The following RGR variants were observed in gnomAD, a reference collection of about 807,000 sequenced individuals.
The protein encoded by RGR is retinal G protein coupled receptor.
A neutral mutation model predicts 28.6 loss-of-function variants in RGR; 30 were observed. The ratio of observed to expected loss-of-function variants is 1.05; its 90% confidence interval spans 0.78 to 1.42. The LOEUF is 1.42. Ranked by LOEUF, RGR falls within the 40% of genes most tolerant of loss-of-function variation. The pLI is 0.00. For missense variants in RGR, 404 were observed against 375.6 expected (o/e 1.08, Z -0.62); for synonymous variants, 180 against 156.4 (o/e 1.15, Z -1.13).
At chr10:84,258,137 C>A in intron 6 of RGR, 131 bp downstream of exon 6, 1 of 887,670 alleles carries the variant, frequency 1.1e-6, no homozygotes, top group South Asian at 1.4e-5. Context: ...TTTGGATACT[C>A]ACAAGGCATA....
At position 84,259,355 on chromosome 10, in the gene RGR, G is replaced by A. The variant is rs1842926672; in HGVS notation, c.*716G>A. The stretch of plus-strand genomic sequence containing the variant: ...AAACAGCTGTGATAAGCATACAAGT[G>A]CAGGTTTCTTTTTGATATACTGATT... On this transcript the variant is annotated 3_prime_UTR_variant, in exon 7 of 7. Coordinates refer to ENST00000652092, the MANE Select transcript of RGR (RefSeq NM_001012720.2). The A allele has an allele frequency of 6.6e-6, 1 of 152,368 alleles. No individual in the cohort carries two copies. The highest frequency in any genetic ancestry group is 1.5e-5 in the Non-Finnish European group (1 of 68,252). The allele number at this position is 152,368 out of a possible 1,614,324, so 9.4% of individuals were successfully genotyped here.
At chr10:84,247,155 C>A (rs1842756448) in intron 1 of RGR, among the ~76,000 whole-genome samples, 1 of 152,168 alleles carries the variant, frequency 6.6e-6, no homozygotes, top group African/African-American at 2.4e-5. Flanking sequence ...GCGTCCTGGG[C>A]AGCTCCCAGC....
intron 5 of RGR, chr10:84,255,178 G>C (rs1208107645): frequency 1.9e-5 from 3 of 155,240 alleles, no homozygotes; most frequent in Admixed American, 6.2e-5. Flanking sequence ...CAGCAACCAG[G>C]GGTTTTCTGC....
intron 1 of RGR, among the ~76,000 whole-genome samples, chr10:84,246,486 G>A (rs1284770017): frequency 6.6e-6 from 1 of 152,092 alleles, no homozygotes; most frequent in Non-Finnish European, 1.5e-5. Flanking sequence ...ACAGCATTTG[G>A]TTTTCCATTC....
chr10:84,247,536 C>CT, intron 1 of RGR, 55 bp from the exon 2 acceptor site: 1 of 1,607,532 alleles, frequency 6.2e-7, no homozygotes, highest in African/African-American at 1.3e-5. Context: ...ACACACTGTT[C>CT]TGACCCCAGC....
chr10:84,257,869 T>C, intron 5 of RGR, 24 bp from the exon 6 acceptor site: 1 of 1,609,760 alleles, frequency 6.2e-7, no homozygotes. Context: ...CAAGCTGACA[T>C]CTCCTGTGAC....
Position 84,258,747 on chromosome 10 carries a change from G to T in RGR, c.*108G>T, listed in dbSNP as rs892887403. 1.0e-5 allele frequency: 15 copies of T among 1,498,686 alleles called. No homozygotes were observed. In the African/African-American group the frequency reaches 1.9e-4, roughly 19 times the overall value. The allele number at this position is 1,498,686 out of a possible 1,614,324, so 92.8% of individuals were successfully genotyped here. ...CTCACCCACCTTCCCCAGTGGCCCC[G>T]TGGATCCTGGTCCTAGGCTGGACAC... is the stretch of plus-strand genomic sequence containing the variant. On this transcript the variant is annotated 3_prime_UTR_variant, in exon 7 of 7. Transcript: ENST00000652092.
intron 5 of RGR, among the ~76,000 whole-genome samples, chr10:84,256,015 G>A (rs1376210764): frequency 8.2e-6 from 1 of 121,978 alleles, no homozygotes; most frequent in Non-Finnish European, 1.6e-5. Flanking sequence ...GAGCTGCCGT[G>A]TCCAGCCTTT....
intron 1 of RGR, 125 bp downstream of exon 1, chr10:84,245,294 C>A: frequency 1.2e-6 from 1 of 851,994 alleles, no homozygotes; most frequent in Non-Finnish European, 1.8e-6. Context: ...GTCCCATTGG[C>A]TGCCTTCCCC....
rs2132876990 is a variant in RGR at position 84,247,665 on chromosome 10, C to G, written c.154C>G (p.His52Asp). 1 of 1,614,194 alleles carries G rather than the reference C, an allele frequency of 6.2e-7. No homozygotes were observed. ...GACCCCGGAGCTGCGGACTCCCTGC[C>G]ACCTACTGGTGCTGAGCTTGGCTCT... Reference protein sequence around the residue: ...CKTPELRTPCHLLVLSLALAD... With the variant: ...CKTPELRTPCDLLVLSLALAD... The change falls in exon 2 of 7, where the codon CAC (histidine) becomes GAC (aspartate). Residue 52 changes from histidine to aspartate, a missense_variant. Coordinates refer to ENST00000652092, the MANE Select transcript of RGR (RefSeq NM_001012720.2).
In RGR at chr10:84,245,143, C is replaced by G. The variant is rs747779774; in HGVS notation, c.53C>G (p.Ala18Gly). ...PTGFGELEVL[A>G]VGMVLLVEAL... ...GGCTTCGGGGAGCTCGAGGTGCTGG[C>G]TGTGGGGATGGTGCTACTGGTGGAA... is the stretch of plus-strand genomic sequence containing the variant. The change falls in exon 1 of 7, where the codon GCT (alanine) becomes GGT (glycine). Residue 18 changes from alanine to glycine, a missense_variant. Physicochemically the swap from Ala to Gly is moderately conservative, Grantham distance 60 (BLOSUM62 0). Coordinates refer to ENST00000652092, the MANE Select transcript of RGR (RefSeq NM_001012720.2). 6.2e-7 allele frequency: 1 copy of G among 1,613,270 alleles called. No homozygotes were observed. The highest frequency in any genetic ancestry group is 8.5e-7 in the Non-Finnish European group (1 of 1,179,832).
At position 84,258,971 on chromosome 10, in the gene RGR, A is replaced by G. The variant is rs894230952; in HGVS notation, c.*332A>G. The G allele has an allele frequency of 5.4e-6, 2 of 372,512 alleles. No individual in the cohort carries two copies. The highest frequency in any genetic ancestry group is 2.2e-5 in the South Asian group (1 of 45,650). 23.1% of individuals were successfully genotyped at this position (372,512 alleles called of 1,614,324 possible). On this transcript the variant is annotated 3_prime_UTR_variant, in exon 7 of 7. Coordinates refer to ENST00000652092, the MANE Select transcript of RGR (RefSeq NM_001012720.2). ...TGAAGTCTGGGCTTTTAGTGTAACC[A>G]TCACCCTAATAATATACGTTGTACC...
At chr10:84,253,138 T>A in intron 4 of RGR, 128 bp downstream of exon 4, 1 of 1,113,854 alleles carries the variant, frequency 9.0e-7, no homozygotes, top group Non-Finnish European at 1.3e-6. Flanking sequence ...AATCTCAACT[T>A]CTTAATCATG....
chr10:84,256,055 CTTTCTTTTTTTTT>C (rs1842881992), intron 5 of RGR, among the ~76,000 whole-genome samples: 2 of 66,504 alleles, frequency 3.0e-5, no homozygotes, highest in Admixed American at 1.7e-4. Flanking sequence ...TTTTTTTTTC[CTTTCTTTTTTTTT>C]TTTTTTTTTT....
At chr10:84,250,268 A>G (rs1842798754) in intron 3 of RGR, 1 of 699,188 alleles carries the variant, frequency 1.4e-6, no homozygotes, top group African/African-American at 1.8e-5. Flanking sequence ...GCCTCAAACC[A>G]TGGCATGTCC....
At chr10:84,245,322 G>T (rs905378385) in intron 1 of RGR, among the ~76,000 whole-genome samples, 153 bp downstream of exon 1, 4 of 152,172 alleles carry the variant, frequency 2.6e-5, no homozygotes, top group African/African-American at 7.2e-5. Context: ...CCGGACTCGG[G>T]GGGTGTTCTG....
intron 5 of RGR, 79 bp from the exon 6 acceptor site, chr10:84,257,814 C>T (rs1842906063): frequency 2.4e-6 from 3 of 1,234,816 alleles, no homozygotes; most frequent in South Asian, 1.2e-5. Context: ...CTGCTGAGTG[C>T]TGACCTGGTT....
chr10:84,245,260 T>G, intron 1 of RGR, 91 bp downstream of exon 1: 11 of 1,297,020 alleles, frequency 8.5e-6, no homozygotes, highest in African/African-American at 2.9e-5. Context: ...AGAGGAGAGG[T>G]CCCCAAACCC....
chr10:84,247,158 C>G (rs750085070), intron 1 of RGR, among the ~76,000 whole-genome samples: 14 of 152,190 alleles, frequency 9.2e-5, no homozygotes, highest in Non-Finnish European at 1.9e-4. Flanking sequence ...TCCTGGGCAG[C>G]TCCCAGCTCT....
Sources: allele counts gnomAD v4.1 joint callset (sites outside exome capture counted in the v4.1 genomes callset), GRCh38; gene constraint gnomAD v4.1.1; transcripts MANE v1.5; gene names NCBI Gene and HGNC (gene_info 2026-07-23, HGNC 2026-07-21).